PARD3B: variants seen among roughly 807,000 people sequenced by gnomAD.
PARD3B encodes the protein par-3 family cell polarity regulator beta, also known as partitioning defective 3 homolog B.
In PARD3B, 103 loss-of-function variants were observed where a neutral mutation model predicts 130.2. That is an observed-to-expected ratio of 0.79 (90% confidence interval 0.67 to 0.93). The LOEUF (loss-of-function observed/expected upper bound fraction) is 0.93. PARD3B is among the 40% of genes least tolerant of loss of function. The pLI, the probability that PARD3B is intolerant of heterozygous loss-of-function variation, is 0.00. For synonymous variants in PARD3B, 583 were observed against 553.2 expected (o/e 1.05, Z -0.76); for missense variants, 1,609 against 1,499.2 (o/e 1.07, Z -1.21).
intron 1 of PARD3B, 83 bp downstream of exon 1, chr2:204,546,202 C>A: frequency 6.6e-7 from 1 of 1,524,958 alleles, no homozygotes; most frequent in South Asian, 1.2e-5. Flanking sequence ...TCAGGGGATG[C>A]AGAAAACCCA....
rs141066697 is a variant in PARD3B at position 205,090,026 on chromosome 2, T to A, written c.505-14400T>A. On this transcript the variant is annotated intron_variant, in intron 4 of 22. Transcript: ENST00000406610. ...ATTTGCTGTATTTTGTAGAGGTGCA[T>A]CAACGGAGTACCCTCAGCTACAGAA... 1.9e-4 allele frequency among the ~76,000 whole-genome samples: 29 copies of A among 152,302 alleles called. 1 individual carries two copies. The East Asian group carries it at 5.6e-3, about 29-fold the overall frequency.
chr2:205,486,326 G>A (rs1395259304), intron 20 of PARD3B, among the ~76,000 whole-genome samples: 5 of 152,204 alleles, frequency 3.3e-5, no homozygotes, highest in Non-Finnish European at 7.3e-5. Flanking sequence ...GTCAGTAGAA[G>A]GCCCTAGGGT....
At chr2:205,423,050 A>T (rs1403909180) in intron 19 of PARD3B, among the ~76,000 whole-genome samples, 1 of 152,194 alleles carries the variant, frequency 6.6e-6, no homozygotes, top group Non-Finnish European at 1.5e-5. Flanking sequence ...TTTCTCCTCG[A>T]CATCCAGTGG....
At chr2:205,498,711 C>G (rs1220959812) in intron 20 of PARD3B, among the ~76,000 whole-genome samples, 1 of 152,104 alleles carries the variant, frequency 6.6e-6, no homozygotes, top group Non-Finnish European at 1.5e-5. Flanking sequence ...CACTCACTGC[C>G]CTTCCCTCTA....
chr2:204,995,683 C>T (rs945736752), intron 3 of PARD3B, among the ~76,000 whole-genome samples: 1 of 103,020 alleles, frequency 9.7e-6, no homozygotes, highest in Non-Finnish European at 1.9e-5. Flanking sequence ...TGTTTTCCAA[C>T]TTGGTTCCAT....
chr2:204,662,103 A>G (rs2035834950), intron 1 of PARD3B, among the ~76,000 whole-genome samples: 1 of 152,236 alleles, frequency 6.6e-6, no homozygotes, highest in Non-Finnish European at 1.5e-5. Context: ...TGCATTTTGA[A>G]TGGAACTGTT....
intron 18 of PARD3B, among the ~76,000 whole-genome samples, chr2:205,315,711 A>G (rs2042541830): frequency 6.6e-6 from 1 of 152,134 alleles, no homozygotes; most frequent in Non-Finnish European, 1.5e-5. Flanking sequence ...TAACCAGATT[A>G]TTCACTCTTA....
At chr2:204,553,701 C>CAT (rs2030707894) in intron 1 of PARD3B, among the ~76,000 whole-genome samples, 2 of 112,080 alleles carry the variant, frequency 1.8e-5, no homozygotes, top group Non-Finnish European at 3.5e-5. Context: ...TATATACACA[C>CAT]ATATATATAA....
chr2:205,574,855 TAAAA>T (rs5837982), intron 22 of PARD3B, among the ~76,000 whole-genome samples: 1 of 121,586 alleles, frequency 8.2e-6, no homozygotes, highest in Admixed American at 8.5e-5. Context: ...CACTGAGGAG[TAAAA>T]AAAAAAAAAA....
chr2:205,601,079 C>T (rs1261960294), intron 22 of PARD3B, among the ~76,000 whole-genome samples: 1 of 152,226 alleles, frequency 6.6e-6, no homozygotes, highest in Non-Finnish European at 1.5e-5. Context: ...GGAATTGCCA[C>T]TGTCTTCTAC....
chr2:205,326,216 G>A (rs1574706608), intron 18 of PARD3B, among the ~76,000 whole-genome samples: 1 of 152,310 alleles, frequency 6.6e-6, no homozygotes, highest in East Asian at 1.9e-4. Context: ...AGAGCGCTTT[G>A]TAATGAAGAA....
At position 205,525,969 on chromosome 2, in the gene PARD3B, T is replaced by G. The variant is rs944323889; in HGVS notation, c.3180+25938T>G. 1.3e-5 allele frequency among the ~76,000 whole-genome samples: 2 copies of G among 152,242 alleles called. No homozygotes were observed. Among genetic ancestry groups the G allele is most frequent in the Non-Finnish European group, 2.9e-5 (2 of 68,046 alleles). On this transcript the variant is annotated intron_variant, in intron 21 of 22. Transcript: ENST00000406610. This position sits in a 1 kb window ranked among gnomAD's most constrained non-coding sequence, Gnocchi z 4.2. ...CATGACACCCCCACCCTGCCCTTGC[T>G]TCTCGCAGGGTCTGGGGCTCCATGT...
At chr2:205,489,500 T>TATATACGTATATATACAC (rs1559141221) in intron 20 of PARD3B, among the ~76,000 whole-genome samples, 42 of 139,410 alleles carry the variant, frequency 3.0e-4, no homozygotes, top group Admixed American at 1.2e-3. Context: ...TATGTGTGTA[T>TATATACGTATATATACAC]ATATATATAC....
intron 19 of PARD3B, among the ~76,000 whole-genome samples, chr2:205,414,160 T>G (rs2046696782): frequency 6.6e-6 from 1 of 152,190 alleles, no homozygotes; most frequent in East Asian, 1.9e-4. Flanking sequence ...AAGCTACTCT[T>G]TCAAGGAGGC....
In PARD3B at chr2:205,210,004, T is replaced by A. The variant is rs74861846; in HGVS notation, c.2140+16684T>A. On this transcript the variant is annotated intron_variant, in intron 15 of 22. Coordinates refer to ENST00000406610, the MANE Select transcript of PARD3B (RefSeq NM_001302769.2). Reference sequence around the variant, plus strand: ...CATTGTATGCCTAGGTCAGAACATCTCATGTATCCCATAAATATATACACC... The same window carrying A: ...CATTGTATGCCTAGGTCAGAACATCACATGTATCCCATAAATATATACACC... Among the ~76,000 whole-genome samples the A allele has an allele frequency of 1.2e-3, 180 of 152,124 alleles. 2 individuals carry two copies. Among genetic ancestry groups the A allele is most frequent in the African/African-American group, 4.2e-3 (173 of 41,536 alleles).
intron 2 of PARD3B, among the ~76,000 whole-genome samples, chr2:204,945,148 C>T (rs1293259947): frequency 6.6e-6 from 1 of 152,168 alleles, no homozygotes; most frequent in Non-Finnish European, 1.5e-5. Context: ...ACTGAGTCAG[C>T]AGAGTTTGCA....
intron 1 of PARD3B, among the ~76,000 whole-genome samples, chr2:204,618,459 T>C (rs2125124652): frequency 6.6e-6 from 1 of 152,324 alleles, no homozygotes; most frequent in African/African-American, 2.4e-5. Context: ...GATAAAGTGC[T>C]ATTCAGAGTG....
intron 2 of PARD3B, among the ~76,000 whole-genome samples, chr2:204,825,577 C>A (rs1248717159): frequency 6.6e-6 from 1 of 152,188 alleles, no homozygotes; most frequent in South Asian, 2.1e-4. Context: ...TTGCACATAG[C>A]AGCAATATTT....
intron 20 of PARD3B, among the ~76,000 whole-genome samples, chr2:205,450,804 T>C (rs563582698): frequency 1.3e-5 from 2 of 152,308 alleles, no homozygotes; most frequent in Admixed American, 1.3e-4. Context: ...AGATCAGTCA[T>C]ATCATCTGCA....
Sources: gnomAD v4.1 joint callset for allele counts (sites outside exome capture counted in the v4.1 genomes callset) on GRCh38, gnomAD v4.1.1 for gene constraint, Gnocchi (gnomAD v3.1) non-coding constraint, MANE v1.5 for transcripts, NCBI Gene and HGNC (gene_info 2026-07-23, HGNC 2026-07-21) for gene names.